The following TJP2 variants were observed in gnomAD, a reference collection of about 807,000 sequenced individuals.
The protein encoded by TJP2 is Friedreich ataxia region gene X104 (tight junction protein ZO-2).
In TJP2, 91 loss-of-function variants were observed where a neutral mutation model predicts 133.1. The ratio of observed to expected loss-of-function variants is 0.68; its 90% CI spans 0.58 to 0.81. TJP2 has a LOEUF of 0.81. TJP2 is among the 40% of genes least tolerant of loss of function. TJP2 has a pLI of 0.00. For synonymous variants in TJP2, 592 were observed against 583.4 expected (o/e 1.01, Z -0.21); for missense variants, 1,541 against 1,565.6 (o/e 0.98, Z 0.26).
At chr9:69,212,719 T>A (rs1828014638) in intron 2 of TJP2, 118 bp downstream of exon 2, 2 of 760,342 alleles carry the variant, frequency 2.6e-6, no homozygotes, top group Non-Finnish European at 4.6e-6. Flanking sequence ...AGGTACATAA[T>A]GTATTATAGA....
At chr9:69,201,592 A>G (rs1344600801) in intron 1 of TJP2, among the ~76,000 whole-genome samples, 1 of 151,972 alleles carries the variant, frequency 6.6e-6, no homozygotes, top group Non-Finnish European at 1.5e-5. Flanking sequence ...CTCAGAGCAC[A>G]TTGCACTTGG....
intron 1 of TJP2, among the ~76,000 whole-genome samples, chr9:69,195,860 G>A (rs370624650): frequency 7.9e-5 from 12 of 152,336 alleles, no homozygotes; most frequent in East Asian, 7.7e-4. Flanking sequence ...CCAGGCCAGT[G>A]GTGTGGAAAT....
intron 2 of TJP2, among the ~76,000 whole-genome samples, chr9:69,213,366 C>A (rs1165510298): frequency 1.3e-5 from 2 of 152,082 alleles, no homozygotes; most frequent in Admixed American, 6.6e-5. Flanking sequence ...CAGACGGTTC[C>A]GCATTTTTAT....
intron 20 of TJP2, 146 bp from the exon 21 acceptor site, chr9:69,250,889 C>A: frequency 1.1e-6 from 1 of 886,342 alleles, no homozygotes; most frequent in Non-Finnish European, 1.8e-6. Context: ...TGGCTGTTTG[C>A]CCTGCTGTAT....
At chr9:69,127,662 C>G (rs1202428497) in intron 1 of TJP2, among the ~76,000 whole-genome samples, 1 of 75,986 alleles carries the variant, frequency 1.3e-5, no homozygotes, top group African/African-American at 4.0e-5. Context: ...TACCCCTGAC[C>G]AGGGTACCAG....
chr9:69,238,031 G>A, intron 15 of TJP2, 58 bp downstream of exon 15: 1 of 1,272,744 alleles, frequency 7.9e-7, no homozygotes, highest in African/African-American at 1.5e-5. Context: ...ATTTCTAACA[G>A]AGGAGTTGGA....
chr9:69,152,752 C>T (rs1437444119), intron 2 of TJP2, among the ~76,000 whole-genome samples: 1 of 146,658 alleles, frequency 6.8e-6, no homozygotes, highest in Admixed American at 6.8e-5. Flanking sequence ...GGGAAGTCCT[C>T]ATTTTCCACT....
At chr9:69,234,227 T>C (rs1014082797) in intron 11 of TJP2, among the ~76,000 whole-genome samples, 4 of 152,118 alleles carry the variant, frequency 2.6e-5, no homozygotes, top group South Asian at 2.1e-4. Flanking sequence ...GAAGGTATAG[T>C]GTGCAGGCCC....
intron 1 of TJP2, among the ~76,000 whole-genome samples, chr9:69,192,180 G>A (rs1298670258): frequency 1.3e-5 from 2 of 151,916 alleles, no homozygotes; most frequent in Non-Finnish European, 2.9e-5. Context: ...GGGCATGGTG[G>A]CACATGCCTG....
At position 69,225,389 on chromosome 9, in the gene TJP2, A is replaced by G; in HGVS notation, c.1038A>G (p.Glu346=). 3 of 1,613,506 alleles carry G rather than the reference A, an allele frequency of 1.9e-6. No individual in the cohort carries two copies. Among genetic ancestry groups the G allele is most frequent in the Non-Finnish European group, 2.5e-6 (3 of 1,179,552 alleles). Residue 346 remains glutamate, a synonymous_variant, in exon 6 of 23, where the codon GAA becomes GAG. Coordinates refer to ENST00000377245, the MANE Select transcript of TJP2 (RefSeq NM_004817.4). ...GLATKDGNLH[E]GDIILKINGT... ...CAACTAAAGATGGCAACCTTCACGA[A>G]GGAGACATAATTCTCAAGGTGGGTA...
Position 69,213,055 on chromosome 9 carries a change from A to ATTTT in TJP2, c.114+476_114+479dup, listed in dbSNP as rs551659577. On this transcript the variant is annotated intron_variant, in intron 2 of 22. Transcript: ENST00000377245. ...TGGAGAACTGCACTCGTGGTTCTGC[A>ATTTT]TTTTTTTTTTTTTTTTTTTTTTTTT... Among the ~76,000 whole-genome samples, 13 of 76,544 alleles carry ATTTT rather than the reference A, an allele frequency of 1.7e-4. 1 individual carries two copies. Among genetic ancestry groups the ATTTT allele is most frequent in the Non-Finnish European group, 2.2e-4 (9 of 40,128 alleles). The allele number at this position is 76,544 out of a possible 152,430, so 50.2% of individuals were successfully genotyped here. A position where few individuals can be genotyped will look rare whatever the true frequency, so the allele number is the denominator to read the frequency against.
chr9:69,223,856 T>C (rs2133298355), intron 5 of TJP2, among the ~76,000 whole-genome samples: 1 of 152,366 alleles, frequency 6.6e-6, no homozygotes, highest in African/African-American at 2.4e-5. Flanking sequence ...AAGTTTACCG[T>C]AAATCATTTA....
chr9:69,153,245 AC>A (rs1173061614), intron 2 of TJP2, among the ~76,000 whole-genome samples: 3 of 151,890 alleles, frequency 2.0e-5, no homozygotes, highest in South Asian at 2.1e-4. Context: ...CAACAAAAAA[AC>A]GTCCCAAACA....
rs1327674362 is a variant in TJP2, at chr9:69,234,476, A to G, written c.1709A>G (p.Asp570Gly). Residue 570 changes from aspartate to glycine, a missense_variant, in exon 12 of 23, where the codon GAT (aspartate) becomes GGT (glycine). By Grantham distance (94) the Asp-to-Gly change is moderately conservative. Coordinates refer to ENST00000377245, the MANE Select transcript of TJP2 (RefSeq NM_004817.4). ...GATTTCAGAGGATTAGTGCGGGAGG[A>G]TGCCGTTCTCTACCTGTTAGAAATC... is the stretch of plus-strand genomic sequence containing the variant. ...TQDFRGLVRE[D>G]AVLYLLEIPK... 1 of 1,566,474 alleles carries G rather than the reference A, an allele frequency of 6.4e-7. No homozygotes were observed. Among genetic ancestry groups the G allele is most frequent in the Non-Finnish European group, 8.6e-7 (1 of 1,158,252 alleles).
intron 1 of TJP2, among the ~76,000 whole-genome samples, chr9:69,182,190 G>T (rs1825562390): frequency 6.6e-6 from 1 of 152,234 alleles, no homozygotes; most frequent in South Asian, 2.1e-4. Context: ...CTTCAGGCAT[G>T]TTGGAGTTTT....
At chr9:69,169,504 G>A (rs899572095), upstream of TJP2, among the ~76,000 whole-genome samples, 3 of 151,646 alleles carry the variant, frequency 2.0e-5, no homozygotes, top group East Asian at 3.9e-4. Flanking sequence ...GACTACAGGC[G>A]CCTGCTACCA....
intron 1 of TJP2, among the ~76,000 whole-genome samples, chr9:69,200,141 G>C (rs1372156670): frequency 6.6e-6 from 1 of 152,018 alleles, no homozygotes; most frequent in African/African-American, 2.4e-5. Context: ...TTATTAAACA[G>C]TTTACTGCCC....
chr9:69,204,401 C>T (rs576644128), intron 1 of TJP2, among the ~76,000 whole-genome samples: 11 of 152,222 alleles, frequency 7.2e-5, no homozygotes, highest in Non-Finnish European at 1.5e-4. Context: ...CCCCAGCTCC[C>T]AAGCCCCAGG....
At chr9:69,201,586 G>T (rs1033045484) in intron 1 of TJP2, among the ~76,000 whole-genome samples, 1 of 152,008 alleles carries the variant, frequency 6.6e-6, no homozygotes, top group Admixed American at 6.6e-5. Flanking sequence ...TTGTTCCTCA[G>T]AGCACATTGC....
Sources: allele counts gnomAD v4.1 joint callset (sites outside exome capture counted in the v4.1 genomes callset), GRCh38; gene constraint gnomAD v4.1.1; transcripts MANE v1.5; gene names NCBI Gene and HGNC (gene_info 2026-07-23, HGNC 2026-07-21).